The following USP37 variants were observed in gnomAD, a reference collection of about 807,000 sequenced individuals.
USP37 encodes the protein ubiquitin carboxyl-terminal hydrolase 37.
In USP37, 27 loss-of-function variants were observed where a neutral mutation model predicts 124.0. The observed-to-expected ratio is 0.22, with a 90% CI of 0.16 to 0.30. The LOEUF is 0.30. Ranked by LOEUF, USP37 falls within the 10% of genes least tolerant of loss-of-function variation. USP37 has a pLI of 1.00. For missense variants in USP37, 889 were observed against 1,140.4 expected, an observed-to-expected ratio of 0.78 and a Z score of 3.17; for synonymous variants, 365 against 388.0, an observed-to-expected ratio of 0.94 and a Z score of 0.70.
intron 10 of USP37, chr2:218,514,183 G>A (rs936772352): frequency 6.6e-6 from 1 of 152,042 alleles, no homozygotes; most frequent in Admixed American, 6.6e-5. Flanking sequence ...CCTAATATTA[G>A]AATCTTATAT....
chr2:218,454,737 T>C lies in USP37; in HGVS notation c.*193A>G, dbSNP rs1382418322. ...GAAAAAGAGGATAATCAGCTACGGATGTGAGACCAAAGTTTCCATAAAATA... is the reference window on the plus strand; with the variant it reads ...GAAAAAGAGGATAATCAGCTACGGACGTGAGACCAAAGTTTCCATAAAATA... On this transcript the variant is annotated 3_prime_UTR_variant, in exon 26 of 26. Transcript: ENST00000258399. The C allele has an allele frequency of 1.7e-6, 2 of 1,153,754 alleles. No individual in the cohort carries two copies. Among genetic ancestry groups the C allele is most frequent in the Middle Eastern group, 3.0e-4 (1 of 3,308 alleles). The allele number at this position is 1,153,754 out of a possible 1,614,324, so 71.5% of individuals were successfully genotyped here.
rs6750261 is a variant in USP37, at chr2:218,454,657, C to A, written c.*273G>T. ...CTGTGTGTGTGTATACACACATACA[C>A]AGATATATATTTACAACATGTATTC... On this transcript the variant is annotated 3_prime_UTR_variant, in exon 26 of 26. Transcript: ENST00000258399. 4.2e-3 allele frequency: 1,800 copies of A among 432,756 alleles called. 41 individuals are homozygous for A. The highest frequency in any genetic ancestry group is 0.029 in the African/African-American group (1,449 of 50,076). The allele number at this position is 432,756 out of a possible 1,614,324, so 26.8% of individuals were successfully genotyped here.
chr2:218,543,831 C>CA lies in USP37; in HGVS notation c.680+2389dup, dbSNP rs559137867. Among the ~76,000 whole-genome samples, 1,232 of 149,540 alleles carry CA rather than the reference C, an allele frequency of 8.2e-3. 8 individuals carry two copies. Among genetic ancestry groups the CA allele is most frequent in the Non-Finnish European group, 0.012 (814 of 67,056 alleles). On this transcript the variant is annotated intron_variant, in intron 8 of 25. Coordinates refer to ENST00000258399, the MANE Select transcript of USP37 (RefSeq NM_020935.3). Reference sequence around the variant, plus strand: ...AAAAAAACAAAAAACAAAAAACAAACAAAAAAAAAAACATAGCTCTCTGTG... The same window carrying CA: ...AAAAAAACAAAAAACAAAAAACAAACAAAAAAAAAAAACATAGCTCTCTGTG...
intron 10 of USP37, among the ~76,000 whole-genome samples, chr2:218,518,482 A>C (rs1690422406): frequency 1.3e-5 from 2 of 152,226 alleles, no homozygotes; most frequent in Non-Finnish European, 2.9e-5. Context: ...CAAATCTAAG[A>C]TACAACCAAT....
chr2:218,536,575 A>G (rs1311694616), intron 8 of USP37, among the ~76,000 whole-genome samples: 6 of 152,234 alleles, frequency 3.9e-5, no homozygotes, highest in Admixed American at 3.9e-4. Flanking sequence ...TAATATCAGG[A>G]TGAAGACTAA....
chr2:218,552,607 GAGAAA>G (rs573391292), intron 5 of USP37, among the ~76,000 whole-genome samples: 294 of 150,036 alleles, frequency 2.0e-3, no homozygotes, highest in African/African-American at 6.4e-3. Flanking sequence ...AAAAGAAAAA[GAGAAA>G]AGAAAAGAAA....
intron 24 of USP37, among the ~76,000 whole-genome samples, 200 bp from the exon 25 acceptor site, chr2:218,455,918 C>T (rs1419652625): frequency 2.6e-5 from 4 of 151,976 alleles, no homozygotes; most frequent in African/African-American, 9.7e-5. Flanking sequence ...TGGTGGCGTG[C>T]GCCTGTAGTC....
At chr2:218,555,891 T>C (rs556498488) in intron 4 of USP37, among the ~76,000 whole-genome samples, 7 of 152,300 alleles carry the variant, frequency 4.6e-5, no homozygotes, top group African/African-American at 1.7e-4. Context: ...CCAGATAATT[T>C]TCTCTCACAC....
intron 10 of USP37, among the ~76,000 whole-genome samples, chr2:218,525,256 G>A (rs979029178): frequency 1.3e-5 from 2 of 152,152 alleles, no homozygotes; most frequent in African/African-American, 2.4e-5. Flanking sequence ...TGAGGCAGGC[G>A]AATCACTTGA....
intron 20 of USP37, 144 bp from the exon 21 acceptor site, chr2:218,466,320 T>G (rs773573945): frequency 7.4e-6 from 7 of 939,656 alleles, no homozygotes; most frequent in Non-Finnish European, 1.1e-5. Flanking sequence ...CCTTACTAGA[T>G]CTACGTCAGG....
chr2:218,559,961 C>T (rs181598922), intron 3 of USP37, among the ~76,000 whole-genome samples: 88 of 152,034 alleles, frequency 5.8e-4, no homozygotes, highest in Non-Finnish European at 9.9e-4. Context: ...GCCTAGGTGA[C>T]ACTCTGAGTG....
chr2:218,488,490 ACT>A (rs1691719569), intron 14 of USP37, 69 bp from the exon 15 acceptor site: 4 of 990,684 alleles, frequency 4.0e-6, no homozygotes, highest in Admixed American at 4.8e-5. Context: ...TACCTGAGAA[ACT>A]CTGTTCTTCC....
intron 20 of USP37, among the ~76,000 whole-genome samples, chr2:218,472,710 C>A (rs1161903220): frequency 2.0e-5 from 3 of 152,052 alleles, no homozygotes; most frequent in Non-Finnish European, 4.4e-5. Context: ...AGGTGATTCA[C>A]CCACCTCAGC....
intron 10 of USP37, among the ~76,000 whole-genome samples, chr2:218,523,453 G>C (rs779438491): frequency 3.3e-5 from 5 of 152,132 alleles, no homozygotes; most frequent in African/African-American, 9.7e-5. Flanking sequence ...TTTTGGATTA[G>C]GAATACTTAA....
chr2:218,505,055 C>T (rs1472156869), intron 11 of USP37, among the ~76,000 whole-genome samples: 2 of 152,156 alleles, frequency 1.3e-5, no homozygotes, highest in Non-Finnish European at 2.9e-5. Flanking sequence ...CATTTTGTCA[C>T]TCAAACTAGA....
At chr2:218,548,514 TA>T (rs1236247977) in intron 6 of USP37, among the ~76,000 whole-genome samples, 2 of 962 alleles carry the variant, frequency 2.1e-3, no homozygotes, top group Non-Finnish European at 0.011. Flanking sequence ...CTAATTTATG[TA>T]TTTTTTTTTG....
chr2:218,472,047 A>G (rs1690722241), intron 20 of USP37, among the ~76,000 whole-genome samples: 1 of 151,998 alleles, frequency 6.6e-6, no homozygotes, highest in African/African-American at 2.4e-5. Flanking sequence ...AAAAAAAAAA[A>G]AAAAAGAAAG....
chr2:218,546,544 G>A (rs1054346095), intron 7 of USP37, among the ~76,000 whole-genome samples: 79 of 152,136 alleles, frequency 5.2e-4, no homozygotes, highest in Non-Finnish European at 9.1e-4. Flanking sequence ...TCAGCCTCCC[G>A]AGTAGCTGGG....
At chr2:218,525,143 T>C (rs1690884747) in intron 10 of USP37, among the ~76,000 whole-genome samples, 1 of 152,240 alleles carries the variant, frequency 6.6e-6, no homozygotes, top group African/African-American at 2.4e-5. Context: ...TTGTTCAGTT[T>C]TCTTTTTGAT....
Sources: allele counts gnomAD v4.1 joint callset (sites outside exome capture counted in the v4.1 genomes callset), GRCh38; gene constraint gnomAD v4.1.1; transcripts MANE v1.5; gene names NCBI Gene and HGNC (gene_info 2026-07-23, HGNC 2026-07-21).